Variants in TMEM278 observed in about 807,000 individuals in gnomAD.
TMEM278 encodes the protein transmembrane protein 88B.
chr1:1,429,790 C>T, the TMEM278 span, among the ~76,000 whole-genome samples: 2 of 152,206 alleles, frequency 1.3e-5, no homozygotes, highest in Non-Finnish European at 2.9e-5. Flanking sequence ...GGCTCTCTGT[C>T]CCTGTGTGTG....
the TMEM278 span, chr1:1,426,261 C>G: frequency 6.7e-7 from 1 of 1,488,428 alleles, no homozygotes; most frequent in Non-Finnish European, 9.0e-7. Context: ...TCGGGGCCCC[C>G]GCTGCTGCCC....
chr1:1,427,954 C>T, the TMEM278 span, among the ~76,000 whole-genome samples: 2 of 101,856 alleles, frequency 2.0e-5, no homozygotes, highest in African/African-American at 7.5e-5. Flanking sequence ...CCCGCCCCCG[C>T]CACGGAGGGC....
chr1:1,426,433 TG>T, the TMEM278 span: 2 of 1,319,382 alleles, frequency 1.5e-6, no homozygotes, highest in Non-Finnish European at 1.9e-6. Context: ...TCCTGGGGAG[TG>T]GGCGTGCCCT....
the TMEM278 span, chr1:1,427,920 AC>A: frequency 1.4e-6 from 1 of 731,612 alleles, no homozygotes; most frequent in Non-Finnish European, 1.8e-6. Context: ...CCGGCTTACG[AC>A]CCCGGCCTCC....
chr1:1,429,104 G>A, the TMEM278 span, among the ~76,000 whole-genome samples: 1 of 152,098 alleles, frequency 6.6e-6, no homozygotes, highest in South Asian at 2.1e-4. Context: ...AGGAGGCAGA[G>A]ATTGCAGTGA....
At chr1:1,428,267 C>T in the TMEM278 span, among the ~76,000 whole-genome samples, 1 of 151,752 alleles carries the variant, frequency 6.6e-6, no homozygotes. Context: ...AGCCCAAGGC[C>T]TCCCGCGCCT....
the TMEM278 span, chr1:1,426,362 C>G: frequency 7.0e-7 from 1 of 1,432,272 alleles, no homozygotes; most frequent in Non-Finnish European, 9.2e-7. Context: ...CGTCGTCTAC[C>G]TGGGATTCCT....
the TMEM278 span, among the ~76,000 whole-genome samples, chr1:1,429,988 G>A: frequency 6.6e-6 from 1 of 152,168 alleles, no homozygotes; most frequent in Admixed American, 6.6e-5. Context: ...AGCCTCCCAA[G>A]TAGCTGTGAC....
chr1:1,429,179 C>A, the TMEM278 span, among the ~76,000 whole-genome samples: 1 of 150,700 alleles, frequency 6.6e-6, no homozygotes, highest in Admixed American at 6.6e-5. Flanking sequence ...TAAAAACAAA[C>A]AAAAAAACAA....
the TMEM278 span, among the ~76,000 whole-genome samples, chr1:1,429,347 C>CA: frequency 0.018 from 2,282 of 125,656 alleles, 49 homozygotes; most frequent in African/African-American, 0.06. Flanking sequence ...AACTCCATCT[C>CA]AAAAAAAAAA....
the TMEM278 span, among the ~76,000 whole-genome samples, chr1:1,430,003 G>A: frequency 6.6e-6 from 1 of 152,154 alleles, no homozygotes; most frequent in Non-Finnish European, 1.5e-5. Flanking sequence ...TGTGACTAGA[G>A]TGCACCACCA....
At chr1:1,428,382 G>A in the TMEM278 span, among the ~76,000 whole-genome samples, 2 of 152,060 alleles carry the variant, frequency 1.3e-5, no homozygotes, top group East Asian at 3.9e-4. Context: ...GCGGCAGCCG[G>A]GCTCAGCCTA....
At chr1:1,426,325 C>T in the TMEM278 span, 19 of 1,467,912 alleles carry the variant, frequency 1.3e-5, no homozygotes, top group Non-Finnish European at 1.7e-5. Context: ...CCGCAGCCTT[C>T]CTGCTGGTGC....
At chr1:1,426,148 G>A in the TMEM278 span, 570 of 1,412,068 alleles carry the variant, frequency 4.0e-4, no homozygotes, top group Non-Finnish European at 4.8e-4. Context: ...AGGGGAGGGA[G>A]ACGGAGGAGG....
At chr1:1,428,155 G>T in the TMEM278 span, among the ~76,000 whole-genome samples, 4 of 124,106 alleles carry the variant, frequency 3.2e-5, no homozygotes, top group African/African-American at 9.3e-5. Flanking sequence ...AAAGAGAGGG[G>T]AGGTGAGGGA....
chr1:1,429,101 A>T, the TMEM278 span, among the ~76,000 whole-genome samples: 2 of 152,178 alleles, frequency 1.3e-5, no homozygotes, highest in African/African-American at 4.8e-5. Flanking sequence ...CCCAGGAGGC[A>T]GAGATTGCAG....
the TMEM278 span, among the ~76,000 whole-genome samples, chr1:1,430,127 G>C: frequency 3.3e-5 from 5 of 152,156 alleles, no homozygotes; most frequent in African/African-American, 1.2e-4. Flanking sequence ...TAAAGTGTTG[G>C]GATTACAGGC....
chr1:1,427,492 C>A, the TMEM278 span: 1 of 388,590 alleles, frequency 2.6e-6, no homozygotes. Context: ...CATCACCCTG[C>A]CCTGCCCCCA....
At chr1:1,427,237 C>G in the TMEM278 span, among the ~76,000 whole-genome samples, 2 of 144,846 alleles carry the variant, frequency 1.4e-5, no homozygotes, top group African/African-American at 5.2e-5. Context: ...TCTCTCCCCT[C>G]CCCGCTCCAC....
Sources: allele counts gnomAD v4.1 joint callset (sites outside exome capture counted in the v4.1 genomes callset), GRCh38; gene constraint gnomAD v4.1.1; transcripts MANE v1.5; gene names NCBI Gene and HGNC (gene_info 2026-07-23, HGNC 2026-07-21).